Variants in GSE1 observed in about 807,000 individuals in gnomAD.
GSE1 encodes the protein Gse1 coiled-coil protein.
GSE1 carries 32 observed loss-of-function variants against 112.6 expected under a neutral mutation model. The observed-to-expected ratio is 0.28, with a 90% CI of 0.21 to 0.38. The LOEUF is 0.38. GSE1 is among the 10% of genes least tolerant of loss of function. The pLI is 1.00. For synonymous variants in GSE1, 1,115 were observed against 735.6 expected (o/e 1.52, Z -8.35); for missense variants, 2,348 against 1,699.2 (o/e 1.38, Z -6.71).
intron 1 of GSE1, among the ~76,000 whole-genome samples, chr16:85,207,457 A>T (rs2075139008): frequency 6.6e-6 from 1 of 152,326 alleles, no homozygotes; most frequent in African/African-American, 2.4e-5. Context: ...GACATGACAG[A>T]TGCACTGGGA....
At chr16:85,436,247 G>A (rs867674924) in intron 2 of GSE1, among the ~76,000 whole-genome samples, 2 of 152,182 alleles carry the variant, frequency 1.3e-5, no homozygotes, top group Non-Finnish European at 2.9e-5. Flanking sequence ...AAAGCAGCCC[G>A]TGAAGGTATC....
At chr16:85,171,002 G>A (rs2074350588) in exon 1 of GSE1, 2 of 985,404 alleles carry the variant, frequency 2.0e-6, no homozygotes, top group African/African-American at 1.7e-5. Context: ...CCGGATGCCC[G>A]GGCGGTCCCC....
chr16:85,189,885 G>T (rs1234930716), intron 1 of GSE1, among the ~76,000 whole-genome samples: 1 of 151,974 alleles, frequency 6.6e-6, no homozygotes, highest in Non-Finnish European at 1.5e-5. Context: ...TCCTGATATT[G>T]GTGCCTACTC....
At chr16:85,242,078 C>A (rs1415518672) in intron 1 of GSE1, among the ~76,000 whole-genome samples, 1 of 152,182 alleles carries the variant, frequency 6.6e-6, no homozygotes, top group Non-Finnish European at 1.5e-5. Flanking sequence ...GCAAGAGTCC[C>A]ACGTCCCCAA....
chr16:85,625,384 CTGT>C (rs2049003368), intron 1 of GSE1, among the ~76,000 whole-genome samples: 1 of 152,220 alleles, frequency 6.6e-6, no homozygotes. Flanking sequence ...TAGGAGGCTG[CTGT>C]CCGCGGGTCC....
intron 2 of GSE1, among the ~76,000 whole-genome samples, chr16:85,646,350 T>C (rs866670215): frequency 6.3e-4 from 96 of 152,240 alleles, no homozygotes; most frequent in African/African-American, 2.2e-3. Context: ...CCTCCTCAGA[T>C]GGCAGCATCT....
chr16:85,575,841 T>C (rs1427777864), intron 1 of GSE1, among the ~76,000 whole-genome samples: 1 of 152,110 alleles, frequency 6.6e-6, no homozygotes, highest in African/African-American at 2.4e-5. Context: ...TTTATGGTTA[T>C]ATTTGTTTTA....
chr16:85,329,968 G>T (rs974522840), intron 1 of GSE1, among the ~76,000 whole-genome samples: 4 of 152,008 alleles, frequency 2.6e-5, no homozygotes, highest in Admixed American at 2.6e-4. Context: ...GCCCTCCAGG[G>T]GCTCCCATGC....
Position 85,270,656 on chromosome 16 carries a change from G to T in GSE1, c.2284-86807G>T, listed in dbSNP as rs551118575. ...CTGCTTTGTTAATGCTCTGTCCTGC[G>T]TGCGGCCTTGAAGGAAACACACACG... On this transcript the variant is annotated intron_variant, in intron 1 of 2. Coordinates refer to the GSE1 transcript ENST00000637419. Among the ~76,000 whole-genome samples, 16 of 148,884 alleles carry T rather than the reference G, an allele frequency of 1.1e-4. No individual in the cohort carries two copies. In the East Asian group the frequency reaches 2.1e-3, roughly 20 times the overall value.
At chr16:85,400,095 C>G (rs777034075) in intron 2 of GSE1, among the ~76,000 whole-genome samples, 1 of 152,238 alleles carries the variant, frequency 6.6e-6, no homozygotes, top group Non-Finnish European at 1.5e-5. Context: ...CTGACACCTG[C>G]GTCTTCGCCG....
intron 2 of GSE1, among the ~76,000 whole-genome samples, chr16:85,369,225 C>CTT (rs35586031): frequency 2.6e-5 from 4 of 151,354 alleles, no homozygotes; most frequent in East Asian, 2.0e-4. Flanking sequence ...TTGCTGCTGC[C>CTT]TTTTTTTTGA....
chr16:85,313,551 C>T (rs946295179), intron 1 of GSE1, among the ~76,000 whole-genome samples: 4 of 152,314 alleles, frequency 2.6e-5, no homozygotes, highest in South Asian at 4.1e-4. Flanking sequence ...CTTCCTGCCC[C>T]CTCCCTGCCC....
intron 2 of GSE1, among the ~76,000 whole-genome samples, chr16:85,418,177 C>T (rs1271075811): frequency 6.6e-6 from 1 of 152,260 alleles, no homozygotes; most frequent in Non-Finnish European, 1.5e-5. Context: ...GGCCCAAGGG[C>T]CACATTGCGA....
chr16:85,664,942 C>A, intron 11 of GSE1, 73 bp from the exon 12 acceptor site: 1 of 1,040,126 alleles, frequency 9.6e-7, no homozygotes, highest in Non-Finnish European at 1.5e-6. Context: ...CAAGGCTCGG[C>A]TAGAATCCCG....
chr16:85,220,205 T>G lies in GSE1; in HGVS notation c.2283+48398T>G, dbSNP rs568592784. On this transcript the variant is annotated intron_variant, in intron 1 of 2. Transcript: ENST00000637419. ...CTCGGCGTTACCCCGCACCTGGGATTTCAAGAGCTCTTCCTGGTCCGCTTT... is the reference window on the plus strand; with the variant it reads ...CTCGGCGTTACCCCGCACCTGGGATGTCAAGAGCTCTTCCTGGTCCGCTTT... 2.0e-5 allele frequency among the ~76,000 whole-genome samples: 3 copies of G among 152,360 alleles called. No individual in the cohort carries two copies. The East Asian group carries it at 5.8e-4, about 29-fold the overall frequency.
chr16:85,502,872 G>C (rs1375285275), intron 2 of GSE1, among the ~76,000 whole-genome samples: 1 of 152,232 alleles, frequency 6.6e-6, no homozygotes, highest in African/African-American at 2.4e-5. Flanking sequence ...AAGCAGGGGG[G>C]TGAAAAAGAG....
chr16:85,496,900 G>GTT (rs68076025), intron 2 of GSE1, among the ~76,000 whole-genome samples: 70,754 of 146,302 alleles, frequency 0.48, 17,590 homozygotes, highest in Non-Finnish European at 0.54. Context: ...CTGGGTCTTT[G>GTT]TTGTTTTTTT....
intron 1 of GSE1, among the ~76,000 whole-genome samples, chr16:85,303,465 GCGCCGCACCCC>G (rs528582546): frequency 2.1e-3 from 323 of 152,344 alleles, no homozygotes; most frequent in African/African-American, 7.5e-3. Flanking sequence ...CCACCAGAGG[GCGCCGCACCCC>G]CGCCGCTGTC....
At chr16:85,523,832 A>G (rs1359926171) in intron 2 of GSE1, among the ~76,000 whole-genome samples, 1 of 152,244 alleles carries the variant, frequency 6.6e-6, no homozygotes, top group African/African-American at 2.4e-5. Flanking sequence ...GTTCAGAGCC[A>G]GCAACACCAC....
Sources: allele counts gnomAD v4.1 joint callset (sites outside exome capture counted in the v4.1 genomes callset), GRCh38; gene constraint gnomAD v4.1.1; transcripts MANE v1.5; gene names NCBI Gene and HGNC (gene_info 2026-07-23, HGNC 2026-07-21).